Variants in ZNF678 observed in about 807,000 individuals in gnomAD.
ZNF678 encodes the protein hypothetical protein MGC42493.
A neutral mutation model predicts 3.0 loss-of-function variants in ZNF678; 5 were observed. That is an observed-to-expected ratio of 1.69 (90% CI 0.88 to 3.56). The LOEUF is 3.56. Ranked by LOEUF, ZNF678 falls within the 30% of genes most tolerant of loss-of-function variation. ZNF678 has a pLI of 0.00. For synonymous variants in ZNF678, 218 were observed against 199.6 expected, an observed-to-expected ratio of 1.09 and a Z score of -0.78; for missense variants, 593 against 605.0, an observed-to-expected ratio of 0.98 and a Z score of 0.21.
In ZNF678 at chr1:227,655,976, A is replaced by C. The variant is rs969465096; in HGVS notation, c.*148A>C. On this transcript the variant is annotated 3_prime_UTR_variant, in exon 4 of 4. Transcript: ENST00000343776. ...GAAATTTATAAATATAAAAGATTAC[A>C]ATATCTTTATTTCAAAGATCTTCCT... 1.0e-4 allele frequency: 56 copies of C among 560,766 alleles called. No individual in the cohort carries two copies. Among genetic ancestry groups the C allele is most frequent in the African/African-American group, 9.5e-4 (49 of 51,498 alleles). 34.7% of individuals were successfully genotyped at this position (560,766 alleles called of 1,614,324 possible).
At position 227,672,807 on chromosome 1, in the gene ZNF678, G is replaced by T. The variant is rs180729773; in HGVS notation, c.227-4372G>T. ...CGAAAATTATTGTCCCCTTTCTGAG[G>T]CTCTGACACAGTCACCTGGGACAAA... On this transcript the variant is annotated intron_variant, in intron 5 of 5. Coordinates refer to the ZNF678 transcript ENST00000608949. Among the ~76,000 whole-genome samples the T allele has an allele frequency of 9.2e-5, 14 of 152,180 alleles. No homozygotes were observed. In the East Asian group the frequency reaches 2.7e-3, roughly 29 times the overall value.
Position 227,656,809 on chromosome 1 carries a change from C to T in ZNF678, c.*981C>T, listed in dbSNP as rs1659260323. On this transcript the variant is annotated 3_prime_UTR_variant, in exon 4 of 4. Transcript: ENST00000343776. ...TTATTTTTAGAATGCAATTTCTTTT[C>T]ATAAAACAAAATTATTTTTAATGTG... 6.6e-6 allele frequency: 1 copy of T among 151,880 alleles called. No homozygotes were observed. The highest frequency in any genetic ancestry group is 6.6e-5 in the Admixed American group (1 of 15,228). The allele number at this position is 151,880 out of a possible 1,614,324, so 9.4% of individuals were successfully genotyped here.
At chr1:227,649,169 G>A (rs571863812) in intron 2 of ZNF678, among the ~76,000 whole-genome samples, 1 of 152,284 alleles carries the variant, frequency 6.6e-6, no homozygotes, top group East Asian at 1.9e-4. Context: ...TAAATATGAG[G>A]ATGCAGCTAT....
chr1:227,575,398 G>A (rs999127942), intron 1 of ZNF678, among the ~76,000 whole-genome samples: 1 of 152,022 alleles, frequency 6.6e-6, no homozygotes, highest in African/African-American at 2.4e-5. Flanking sequence ...TTTTCCGTTT[G>A]TTTGTGTTGT....
intron 1 of ZNF678, among the ~76,000 whole-genome samples, chr1:227,573,344 CTAT>C (rs764919441): frequency 1.2e-4 from 18 of 152,266 alleles, no homozygotes; most frequent in Admixed American, 2.6e-4. Context: ...GAAAGTAGCA[CTAT>C]TATTATATTG....
intron 1 of ZNF678, among the ~76,000 whole-genome samples, chr1:227,577,710 T>C (rs1248365426): frequency 2.0e-5 from 3 of 152,212 alleles, no homozygotes; most frequent in Non-Finnish European, 1.5e-5. Context: ...CTGTGTCTTT[T>C]TATTGGGGCA....
Position 227,646,909 on chromosome 1 carries a change from T to C in ZNF678, c.-37+239T>C, listed in dbSNP as rs147662229. On this transcript the variant is annotated intron_variant, in intron 2 of 3. Coordinates refer to ENST00000343776, the MANE Select transcript of ZNF678 (RefSeq NM_001367909.1). Reference sequence around the variant, plus strand: ...TAGATGACTGGTAATTCCAGAACTTTAGTGGCATAAGATATTGTTGCCCAC... The same window carrying C: ...TAGATGACTGGTAATTCCAGAACTTCAGTGGCATAAGATATTGTTGCCCAC... 4.0e-3 allele frequency among the ~76,000 whole-genome samples: 606 copies of C among 152,312 alleles called. 5 individuals are homozygous for C. Among genetic ancestry groups the C allele is most frequent in the African/African-American group, 0.014 (587 of 41,566 alleles).
chr1:227,594,914 ATTT>A (rs1406973587), intron 1 of ZNF678, among the ~76,000 whole-genome samples: 1 of 151,824 alleles, frequency 6.6e-6, no homozygotes, highest in Non-Finnish European at 1.5e-5. Flanking sequence ...TCTAAAAGTT[ATTT>A]TTTTTACTGT....
At chr1:227,614,107 G>A (rs920432959) in intron 1 of ZNF678, among the ~76,000 whole-genome samples, 1 of 152,114 alleles carries the variant, frequency 6.6e-6, no homozygotes, top group African/African-American at 2.4e-5. Context: ...CATCTGCTGG[G>A]CCCAGTTAGA....
chr1:227,664,929 C>T (rs1265342851), downstream of ZNF678, among the ~76,000 whole-genome samples: 1 of 152,148 alleles, frequency 6.6e-6, no homozygotes, highest in South Asian at 2.1e-4. Flanking sequence ...GGAGACTGGA[C>T]GCAGTCAGGG....
chr1:227,679,395 C>T (rs558230886), downstream of ZNF678, among the ~76,000 whole-genome samples: 65 of 152,258 alleles, frequency 4.3e-4, no homozygotes, highest in African/African-American at 1.4e-3. Context: ...AAGATCGACC[C>T]TGGCCTAACT....
chr1:227,589,180 A>G (rs191509627), intron 1 of ZNF678, among the ~76,000 whole-genome samples: 5 of 151,762 alleles, frequency 3.3e-5, no homozygotes, highest in Admixed American at 1.3e-4. Context: ...TTTTGTTGCA[A>G]TTGCTTTTGG....
chr1:227,597,217 G>A (rs986087358), intron 1 of ZNF678, among the ~76,000 whole-genome samples: 2 of 152,236 alleles, frequency 1.3e-5, no homozygotes, highest in African/African-American at 4.8e-5. Flanking sequence ...TGCAGCAGGA[G>A]CATGTCCTTA....
chr1:227,575,443 G>A (rs1656963219), intron 1 of ZNF678, among the ~76,000 whole-genome samples: 1 of 151,928 alleles, frequency 6.6e-6, no homozygotes, highest in South Asian at 2.1e-4. Context: ...AGTTCTCCTT[G>A]TAGAGATCTT....
At chr1:227,644,703 G>T (rs911408136) in intron 1 of ZNF678, among the ~76,000 whole-genome samples, 3 of 152,212 alleles carry the variant, frequency 2.0e-5, no homozygotes, top group African/African-American at 7.2e-5. Flanking sequence ...AATAGCAAAT[G>T]ATATATGCAC....
At chr1:227,566,132 A>G (rs1404917192) in intron 1 of ZNF678, among the ~76,000 whole-genome samples, 1 of 152,166 alleles carries the variant, frequency 6.6e-6, no homozygotes, top group Non-Finnish European at 1.5e-5. Context: ...CACAGTGGCT[A>G]TGTCTCTTGG....
intron 1 of ZNF678, among the ~76,000 whole-genome samples, chr1:227,605,845 T>G (rs528644461): frequency 6.6e-6 from 1 of 152,358 alleles, no homozygotes; most frequent in Non-Finnish European, 1.5e-5. Flanking sequence ...ATGTTAAGTG[T>G]ACTTATAAAA....
chr1:227,646,914 G>A (rs894240739), intron 2 of ZNF678, among the ~76,000 whole-genome samples: 7 of 152,150 alleles, frequency 4.6e-5, no homozygotes, highest in Non-Finnish European at 1.0e-4. Flanking sequence ...AACTTTAGTG[G>A]CATAAGATAT....
intron 5 of ZNF678, among the ~76,000 whole-genome samples, chr1:227,672,273 T>C (rs1006219319): frequency 2.0e-5 from 3 of 151,734 alleles, no homozygotes; most frequent in South Asian, 4.2e-4. Context: ...TAGGGAACAG[T>C]AGGGGGAAGA....
Sources: gnomAD v4.1 joint callset for allele counts (sites outside exome capture counted in the v4.1 genomes callset) on GRCh38, gnomAD v4.1.1 for gene constraint, MANE v1.5 for transcripts, NCBI Gene and HGNC (gene_info 2026-07-23, HGNC 2026-07-21) for gene names.